Variants in TTC28 observed in about 807,000 individuals in gnomAD.
TTC28 encodes tetratricopeptide repeat protein 28.
Under a neutral mutation model 198.0 loss-of-function variants are expected in TTC28, and 61 were observed. That is an observed-to-expected ratio of 0.31 (90% CI 0.25 to 0.38). The LOEUF is 0.38. Among genes scored for constraint, TTC28 ranks in the 10% least tolerant of loss-of-function variants. The probability of loss-of-function intolerance (pLI) is 1.00; values close to 1 mark genes in which losing one functional copy is unlikely to be tolerated. For synonymous variants in TTC28, 1,171 were observed against 1,297.8 expected (o/e 0.90, Z 2.10); for missense variants, 2,678 against 3,164.0 (o/e 0.85, Z 3.69).
intron 1 of TTC28, among the ~76,000 whole-genome samples, chr22:28,638,165 G>C (rs2051305915): frequency 6.6e-6 from 1 of 151,984 alleles, no homozygotes; most frequent in African/African-American, 2.4e-5. Context: ...AACCAATACA[G>C]AATACATCAG....
chr22:28,673,365 G>C (rs1327983580), intron 1 of TTC28, among the ~76,000 whole-genome samples: 1 of 151,666 alleles, frequency 6.6e-6, no homozygotes, highest in Admixed American at 6.6e-5. Context: ...CAGAGACTCC[G>C]TCTCAAAAAA....
intron 6 of TTC28, among the ~76,000 whole-genome samples, chr22:28,125,161 C>T (rs999752063): frequency 6.6e-6 from 1 of 152,086 alleles, no homozygotes; most frequent in African/African-American, 2.4e-5. Flanking sequence ...ATTTGTTTTC[C>T]AGATGGAGAA....
At chr22:28,040,648 T>C (rs1939590937) in intron 12 of TTC28, among the ~76,000 whole-genome samples, 1 of 152,124 alleles carries the variant, frequency 6.6e-6, no homozygotes, top group South Asian at 2.1e-4. Context: ...GGGCAAAAAC[T>C]GTAAGCATTC....
At chr22:28,575,279 A>T (rs2050127732) in intron 2 of TTC28, among the ~76,000 whole-genome samples, 2 of 152,138 alleles carry the variant, frequency 1.3e-5, no homozygotes, top group South Asian at 4.1e-4. Flanking sequence ...ATTGAAGAGT[A>T]TCTTTTTCCC....
chr22:28,135,441 T>C (rs1943176960), intron 6 of TTC28, among the ~76,000 whole-genome samples: 1 of 152,146 alleles, frequency 6.6e-6, no homozygotes, highest in Non-Finnish European at 1.5e-5. Flanking sequence ...GGCAGAGTTG[T>C]TGAGGAGTAA....
intron 2 of TTC28, among the ~76,000 whole-genome samples, chr22:28,456,016 G>C (rs930591805): frequency 6.6e-6 from 1 of 151,830 alleles, no homozygotes; most frequent in Non-Finnish European, 1.5e-5. Context: ...TAAATTAGCT[G>C]GGTGTGGTGG....
chr22:28,309,976 T>C (rs1176075720), intron 2 of TTC28, among the ~76,000 whole-genome samples: 2 of 152,204 alleles, frequency 1.3e-5, no homozygotes, highest in African/African-American at 4.8e-5. Flanking sequence ...ATTTTCTTGT[T>C]GGTCACCACA....
chr22:28,277,368 A>G (rs2044491856), intron 5 of TTC28, among the ~76,000 whole-genome samples: 1 of 152,190 alleles, frequency 6.6e-6, no homozygotes, highest in Non-Finnish European at 1.5e-5. Context: ...TAGAAAACAG[A>G]CTATTTTTAG....
At chr22:28,631,547 A>C (rs1248298079) in intron 1 of TTC28, among the ~76,000 whole-genome samples, 8 of 152,092 alleles carry the variant, frequency 5.3e-5, no homozygotes, top group Non-Finnish European at 1.0e-4. Context: ...TTTTTGAGAC[A>C]GGGTCTTGCT....
intron 5 of TTC28, among the ~76,000 whole-genome samples, chr22:28,264,831 G>C (rs539015391): frequency 1.3e-5 from 2 of 152,272 alleles, no homozygotes; most frequent in South Asian, 4.1e-4. Flanking sequence ...ACTGCGATAT[G>C]AGTGTAAAGT....
At chr22:28,612,058 T>A (rs1429899240) in intron 2 of TTC28, among the ~76,000 whole-genome samples, 2 of 152,098 alleles carry the variant, frequency 1.3e-5, no homozygotes, top group African/African-American at 4.8e-5. Context: ...CAAGACCCAT[T>A]GGTGTGCTGT....
chr22:28,398,558 C>T (rs1414481210), intron 2 of TTC28, among the ~76,000 whole-genome samples: 2 of 152,186 alleles, frequency 1.3e-5, no homozygotes, highest in Non-Finnish European at 2.9e-5. Flanking sequence ...GCATGTAAGG[C>T]ATTATTCATC....
chr22:28,327,463 A>C (rs1220890728), intron 2 of TTC28, among the ~76,000 whole-genome samples: 1 of 152,190 alleles, frequency 6.6e-6, no homozygotes, highest in Non-Finnish European at 1.5e-5. Context: ...CATGAATTCA[A>C]TGTTAATGAA....
Position 27,996,918 on chromosome 22 carries a change from T to C in TTC28, c.5120-659A>G, listed in dbSNP as rs552990803. ...AAAAATGGTTTCATCCAGAACAAAG[T>C]TGTGACTTATCTATCAACAAAACTA... On this transcript the variant is annotated intron_variant, in intron 16 of 22. Transcript: ENST00000397906. Among the ~76,000 whole-genome samples the C allele has an allele frequency of 4.9e-4, 74 of 152,316 alleles. No individual in the cohort carries two copies. The South Asian group carries it at 0.015, about 31-fold the overall frequency.
At chr22:28,676,154 C>A (rs2051986099) in intron 1 of TTC28, among the ~76,000 whole-genome samples, 1 of 152,100 alleles carries the variant, frequency 6.6e-6, no homozygotes, top group Non-Finnish European at 1.5e-5. Flanking sequence ...TATGGTATAT[C>A]CATTCAAAAG....
At chr22:27,998,116 T>A (rs978902047) in intron 16 of TTC28, 1 of 207,138 alleles carries the variant, frequency 4.8e-6, no homozygotes, top group African/African-American at 2.3e-5. Context: ...ACCACCATCA[T>A]CCCCTTGTTA....
intron 6 of TTC28, among the ~76,000 whole-genome samples, chr22:28,133,601 C>T (rs1166098812): frequency 6.6e-6 from 1 of 152,220 alleles, no homozygotes; most frequent in Non-Finnish European, 1.5e-5. Context: ...GCCCACAGAG[C>T]CTCCCTCATT....
At chr22:28,229,129 C>A (rs1041869881) in intron 5 of TTC28, among the ~76,000 whole-genome samples, 1 of 152,172 alleles carries the variant, frequency 6.6e-6, no homozygotes, top group Non-Finnish European at 1.5e-5. Flanking sequence ...GCACTCCAGC[C>A]TGGGCGACAG....
At chr22:28,391,980 CT>C (rs1243946955) in intron 2 of TTC28, among the ~76,000 whole-genome samples, 5 of 152,296 alleles carry the variant, frequency 3.3e-5, no homozygotes, top group Middle Eastern at 3.4e-3. Context: ...GTTTTATCTA[CT>C]TTTGGTCTTT....
Sources: allele counts gnomAD v4.1 joint callset (sites outside exome capture counted in the v4.1 genomes callset), GRCh38; gene constraint gnomAD v4.1.1; transcripts MANE v1.5; gene names NCBI Gene and HGNC (gene_info 2026-07-23, HGNC 2026-07-21).